The following DPP6 variants were observed in gnomAD, a reference collection of about 807,000 sequenced individuals.
DPP6 encodes the protein dipeptidyl peptidase like 6.
A neutral mutation model predicts 122.6 loss-of-function variants in DPP6; 69 were observed. That is an observed-to-expected ratio of 0.56 (90% CI 0.46 to 0.69). The LOEUF is 0.69. Ranked by LOEUF, DPP6 falls within the 30% of genes least tolerant of loss-of-function variation. The pLI is 0.00. For missense variants in DPP6, 928 were observed against 1,116.9 expected (o/e 0.83, Z 2.41); for synonymous variants, 418 against 433.1 (o/e 0.97, Z 0.43).
intron 1 of DPP6, among the ~76,000 whole-genome samples, chr7:154,097,261 C>G (rs1352273358): frequency 6.6e-6 from 1 of 152,250 alleles, no homozygotes; most frequent in Non-Finnish European, 1.5e-5. Flanking sequence ...TACAAACACC[C>G]TCATAAGTGG....
intron 1 of DPP6, among the ~76,000 whole-genome samples, chr7:154,276,568 G>A (rs1563403463): frequency 6.6e-6 from 1 of 152,222 alleles, no homozygotes; most frequent in Admixed American, 6.5e-5. Flanking sequence ...GTGTTATTCT[G>A]ACCTCTAGGG....
chr7:153,769,810 T>C, the DPP6 span, among the ~76,000 whole-genome samples: 1 of 152,062 alleles, frequency 6.6e-6, no homozygotes, highest in Non-Finnish European at 1.5e-5. Flanking sequence ...GATAAAAGAC[T>C]ACAGGCTGAA....
At chr7:154,758,578 A>AG (rs1273653563) in intron 8 of DPP6, among the ~76,000 whole-genome samples, 1 of 151,872 alleles carries the variant, frequency 6.6e-6, no homozygotes, top group Non-Finnish European at 1.5e-5. Context: ...CACCATGTTG[A>AG]CCAGGCTGGT....
At chr7:154,505,986 A>T (rs1825633785) in intron 3 of DPP6, among the ~76,000 whole-genome samples, 1 of 151,934 alleles carries the variant, frequency 6.6e-6, no homozygotes, top group Non-Finnish European at 1.5e-5. Flanking sequence ...CCATTTATTT[A>T]TATTTATTTA....
At chr7:154,869,678 C>T (rs1804214958) in intron 18 of DPP6, among the ~76,000 whole-genome samples, 1 of 152,352 alleles carries the variant, frequency 6.6e-6, no homozygotes, top group Non-Finnish European at 1.5e-5. Context: ...GTGCTCACCA[C>T]GCCCTCCCTG....
intron 5 of DPP6, chr7:154,588,372 C>T (rs150284515): frequency 1.0e-4 from 43 of 418,286 alleles, no homozygotes; most frequent in African/African-American, 8.2e-4. Flanking sequence ...TGATGTTGGC[C>T]GACTGTGTCT....
upstream of DPP6, among the ~76,000 whole-genome samples, chr7:153,886,243 T>G (rs2128990832): frequency 2.0e-5 from 3 of 151,664 alleles, no homozygotes; most frequent in South Asian, 2.1e-4. Context: ...CGCGCGCTCC[T>G]GGGAGCGCGC....
At chr7:153,792,838 G>A in the DPP6 span, among the ~76,000 whole-genome samples, 6 of 151,982 alleles carry the variant, frequency 3.9e-5, no homozygotes, top group Non-Finnish European at 7.4e-5. Context: ...AATCATGGGG[G>A]CCAGTCTTTC....
intron 8 of DPP6, among the ~76,000 whole-genome samples, chr7:154,766,626 C>T (rs558651879): frequency 6.6e-6 from 1 of 152,272 alleles, no homozygotes; most frequent in East Asian, 1.9e-4. Context: ...ATTTGGTAAC[C>T]TGTAGTGATG....
intron 4 of DPP6, among the ~76,000 whole-genome samples, chr7:154,559,273 GAA>G (rs201775434): frequency 8.1e-5 from 4 of 49,088 alleles, no homozygotes; most frequent in South Asian, 5.7e-4. Context: ...TACCACAGAA[GAA>G]AAAAAAAAAA....
chr7:153,999,739 G>A (rs200579852), intron 1 of DPP6, among the ~76,000 whole-genome samples: 22 of 152,178 alleles, frequency 1.4e-4, no homozygotes, highest in African/African-American at 4.8e-4. Context: ...CAAGTGGATC[G>A]CCTGAGCTCA....
chr7:153,908,591 T>A (rs1799946525), intron 1 of DPP6, among the ~76,000 whole-genome samples: 1 of 152,120 alleles, frequency 6.6e-6, no homozygotes, highest in African/African-American at 2.4e-5. Context: ...AAATGTGGCA[T>A]TTATTTTTCT....
At position 154,391,573 on chromosome 7, in the gene DPP6, T is replaced by G. The variant is rs527571324; in HGVS notation, c.244-54641T>G. ...GAACACTGCCTCCCTTAGTCCATCA[T>G]TTGGGCAGCTTCGGTCAATAACCCT... On this transcript the variant is annotated intron_variant, in intron 1 of 25. Coordinates refer to ENST00000377770, the MANE Select transcript of DPP6 (RefSeq NM_130797.4). Among the ~76,000 whole-genome samples, 26 of 152,318 alleles carry G rather than the reference T, an allele frequency of 1.7e-4. 1 individual carries two copies. The highest frequency in any genetic ancestry group is 6.3e-4 in the African/African-American group (26 of 41,582).
At chr7:154,396,464 C>T (rs1815094689) in intron 1 of DPP6, among the ~76,000 whole-genome samples, 1 of 152,202 alleles carries the variant, frequency 6.6e-6, no homozygotes, top group African/African-American at 2.4e-5. Context: ...TAATGATCCT[C>T]TTTTCCTATA....
chr7:154,813,347 T>C (rs1799194421), intron 16 of DPP6, among the ~76,000 whole-genome samples: 1 of 152,092 alleles, frequency 6.6e-6, no homozygotes, highest in African/African-American at 2.4e-5. Context: ...CCTCCCAAAG[T>C]GCTGGGATTA....
At chr7:154,305,501 A>G (rs772847804) in intron 1 of DPP6, 9 of 1,603,846 alleles carry the variant, frequency 5.6e-6, no homozygotes, top group Non-Finnish European at 7.7e-6. Context: ...GACCATGACC[A>G]CAGCCAAGGA....
chr7:154,842,847 C>T (rs556706053), intron 16 of DPP6, among the ~76,000 whole-genome samples: 46 of 152,314 alleles, frequency 3.0e-4, no homozygotes, highest in Admixed American at 5.2e-4. Flanking sequence ...TATCAGCAGG[C>T]GTGCCATTGT....
At chr7:154,318,731 G>A (rs1395553839) in intron 1 of DPP6, among the ~76,000 whole-genome samples, 2 of 152,128 alleles carry the variant, frequency 1.3e-5, no homozygotes, top group Non-Finnish European at 2.9e-5. Context: ...TCTTTCTTGG[G>A]CTCAGTAAGT....
At chr7:153,895,772 T>C (rs1236297260) in intron 1 of DPP6, among the ~76,000 whole-genome samples, 2 of 151,816 alleles carry the variant, frequency 1.3e-5, no homozygotes, top group East Asian at 3.9e-4. Context: ...ACAATGTTCA[T>C]ACATCTCAGA....
Sources: gnomAD v4.1 joint callset for allele counts (sites outside exome capture counted in the v4.1 genomes callset) on GRCh38, gnomAD v4.1.1 for gene constraint, MANE v1.5 for transcripts, NCBI Gene and HGNC (gene_info 2026-07-23, HGNC 2026-07-21) for gene names.